Variants in GPCPD1 observed in about 807,000 individuals in gnomAD.
GPCPD1 encodes the protein glycerophosphocholine phosphodiesterase 1.
Under a neutral mutation model 89.2 loss-of-function variants are expected in GPCPD1, and 29 were observed. That is an observed-to-expected ratio of 0.33 (90% CI 0.24 to 0.44). The LOEUF (loss-of-function observed/expected upper bound fraction) is 0.44. GPCPD1 is among the 20% of genes least tolerant of loss of function. The pLI is 1.00. For missense variants in GPCPD1, 594 were observed against 808.9 expected (o/e 0.73, Z 3.22); for synonymous variants, 258 against 266.3 (o/e 0.97, Z 0.30).
intron 12 of GPCPD1, among the ~76,000 whole-genome samples, chr20:5,568,147 T>C (rs1986497161): frequency 6.7e-6 from 1 of 150,200 alleles, no homozygotes; most frequent in African/African-American, 2.4e-5. Flanking sequence ...TATCAAATGA[T>C]CAATGTCACT....
In GPCPD1 at chr20:5,556,029, A is replaced by C. The variant is rs537905674; in HGVS notation, c.1829+1916T>G. ...GCCACCTCAACCTTCAGCAACCACC[A>C]CCCTAATCAGTCAGCAGCCATCAAC... On this transcript the variant is annotated intron_variant, in intron 19 of 19. Coordinates refer to ENST00000379019, the MANE Select transcript of GPCPD1 (RefSeq NM_019593.5). Among the ~76,000 whole-genome samples the C allele has an allele frequency of 3.6e-4, 55 of 152,154 alleles. 2 individuals carry two copies. In the South Asian group the frequency reaches 0.011, roughly 30 times the overall value.
chr20:5,590,542 C>A (rs867463193), intron 4 of GPCPD1, among the ~76,000 whole-genome samples: 12 of 78,984 alleles, frequency 1.5e-4, no homozygotes, highest in South Asian at 4.2e-4. Context: ...GACTCTGTCT[C>A]AAAAAAAAAA....
Position 5,606,301 on chromosome 20 carries a change from G to GC in GPCPD1, c.-28-1862dup, listed in dbSNP as rs554167646. ...TCCAACACCCCTCAAAAAAACCTTT[G>GC]CCCCCCCCACCAATGTTACAAGAAT... On this transcript the variant is annotated intron_variant, in intron 1 of 19. Transcript: ENST00000379019. Among the ~76,000 whole-genome samples, 127 of 148,704 alleles carry GC rather than the reference G, an allele frequency of 8.5e-4. 1 individual carries two copies. Among genetic ancestry groups the GC allele is most frequent in the South Asian group, 2.8e-3 (13 of 4,664 alleles).
At position 5,575,503 on chromosome 20, in the gene GPCPD1, T is replaced by G. The variant is rs570520143; in HGVS notation, c.911A>C (p.Asp304Ala). Residue 304 changes from aspartate (D) to alanine (A), a missense_variant, in exon 10 of 20, where the codon GAC (aspartate) becomes GCC (alanine). Transcript: ENST00000379019. ...IIKPLPGYSC[D>A]MKSSFSKYWK... ...ATACTTGGAAAATGAAGATTTCATG[T>G]CACAACTGTATCCTGGTAATGGCTT... 6.3e-7 allele frequency: 1 copy of G among 1,589,410 alleles called. No homozygotes were observed. Among genetic ancestry groups the G allele is most frequent in the Non-Finnish European group, 8.6e-7 (1 of 1,157,736 alleles).
chr20:5,578,123 A>G (rs1450493912), intron 8 of GPCPD1, among the ~76,000 whole-genome samples: 2 of 152,180 alleles, frequency 1.3e-5, no homozygotes, highest in African/African-American at 2.4e-5. Context: ...ATTCATTTAC[A>G]TTTAGATTAT....
intron 1 of GPCPD1, among the ~76,000 whole-genome samples, chr20:5,605,600 G>T (rs1054991372): frequency 3.3e-5 from 5 of 152,090 alleles, no homozygotes; most frequent in African/African-American, 9.7e-5. Flanking sequence ...CCAACATGGA[G>T]AAACCCCGTC....
chr20:5,603,736 C>T (rs1293936888), intron 2 of GPCPD1, among the ~76,000 whole-genome samples: 5 of 150,906 alleles, frequency 3.3e-5, no homozygotes, highest in African/African-American at 7.4e-5. Flanking sequence ...AATTGTTTCA[C>T]CAACTTATTC....
intron 4 of GPCPD1, among the ~76,000 whole-genome samples, chr20:5,592,290 C>A (rs1246231845): frequency 2.6e-5 from 4 of 152,172 alleles, no homozygotes; most frequent in Non-Finnish European, 5.9e-5. Context: ...TGATGCATAA[C>A]CCCATGCCAA....
intron 10 of GPCPD1, 142 bp downstream of exon 10, chr20:5,575,271 T>C (rs967602708): frequency 5.5e-5 from 33 of 604,588 alleles, no homozygotes; most frequent in Middle Eastern, 9.1e-4. Context: ...TTAAGGTTGG[T>C]CTCTAACCCC....
chr20:5,565,360 T>C (rs1254032378), intron 14 of GPCPD1, among the ~76,000 whole-genome samples: 3 of 151,758 alleles, frequency 2.0e-5, no homozygotes, highest in African/African-American at 7.3e-5. Flanking sequence ...GACTCCCGAG[T>C]AGCTATGCCC....
rs917083968 is a variant in GPCPD1, at chr20:5,567,850, T to C, written c.1150-290A>G. The C allele has an allele frequency of 1.5e-4, 38 of 253,316 alleles. No homozygotes were observed. In the Middle Eastern group the frequency reaches 3.7e-3, roughly 25 times the overall value. The allele number at this position is 253,316 out of a possible 1,614,324, so 15.7% of individuals were successfully genotyped here. ...CTGTAGCGCTGAAGACAGCTGAGGA[T>C]AGAACCAGAAGTCAGTCATCTCCCC... On this transcript the variant is annotated intron_variant, in intron 12 of 19. Coordinates refer to ENST00000379019, the MANE Select transcript of GPCPD1 (RefSeq NM_019593.5).
chr20:5,561,416 T>C (rs755591293), intron 16 of GPCPD1, 49 bp downstream of exon 16: 11 of 984,130 alleles, frequency 1.1e-5, no homozygotes, highest in Non-Finnish European at 1.7e-5. Flanking sequence ...AAAGAATTTT[T>C]TAGATAGGCA....
chr20:5,610,755 C>CA, intron 1 of GPCPD1, 87 bp downstream of exon 1: 1 of 150,334 alleles, frequency 6.7e-6, no homozygotes, highest in South Asian at 1.9e-4. Context: ...CCCGACGCCC[C>CA]AGGCCCGCCG....
intron 11 of GPCPD1, 57 bp downstream of exon 11, chr20:5,573,858 C>A: frequency 1.1e-6 from 1 of 897,684 alleles, no homozygotes; most frequent in Admixed American, 1.8e-5. Flanking sequence ...CTGGAGGAGA[C>A]TCCCTGATCC....
intron 19 of GPCPD1, among the ~76,000 whole-genome samples, chr20:5,555,978 G>A (rs1295553702): frequency 6.6e-6 from 1 of 152,088 alleles, no homozygotes; most frequent in Non-Finnish European, 1.5e-5. Context: ...GACTTCATTT[G>A]TGTCTTATTT....
chr20:5,605,789 T>G (rs1057070253), intron 1 of GPCPD1, among the ~76,000 whole-genome samples: 1 of 151,800 alleles, frequency 6.6e-6, no homozygotes, highest in Non-Finnish European at 1.5e-5. Context: ...ACTTTTCAGA[T>G]TTTCTCTTTA....
chr20:5,603,668 C>T (rs1040498463), intron 2 of GPCPD1, among the ~76,000 whole-genome samples: 4 of 151,238 alleles, frequency 2.6e-5, no homozygotes, highest in Admixed American at 1.3e-4. Flanking sequence ...TAAGGGACAG[C>T]AAAAAATACA....
intron 17 of GPCPD1, 37 bp from the exon 18 acceptor site, chr20:5,558,856 G>A (rs556681244): frequency 5.4e-6 from 8 of 1,472,184 alleles, no homozygotes; most frequent in Non-Finnish European, 7.3e-6. Flanking sequence ...CTTTCAATGG[G>A]GGGTAACTGT....
At position 5,546,059 on chromosome 20, in the gene GPCPD1, T is replaced by C. The variant is rs1035859076; in HGVS notation, c.*1602A>G. The C allele has an allele frequency of 6.6e-6, 1 of 152,218 alleles. No homozygotes were observed. The highest frequency in any genetic ancestry group is 2.4e-5 in the African/African-American group (1 of 41,448). 9.4% of individuals were successfully genotyped at this position (152,218 alleles called of 1,614,324 possible). On this transcript the variant is annotated 3_prime_UTR_variant, in exon 20 of 20. Coordinates refer to ENST00000379019, the MANE Select transcript of GPCPD1 (RefSeq NM_019593.5). ...GAAACTAATTCTTTTTCAGGAGTTT[T>C]CCAAAAGTGCCCAATTCACACCAAA...
Sources: gnomAD v4.1 joint callset for allele counts (sites outside exome capture counted in the v4.1 genomes callset) on GRCh38, gnomAD v4.1.1 for gene constraint, MANE v1.5 for transcripts, NCBI Gene and HGNC (gene_info 2026-07-23, HGNC 2026-07-21) for gene names.